The following CPZ variants were observed in gnomAD, a reference collection of about 807,000 sequenced individuals.
CPZ encodes the protein carboxypeptidase Z, also known as VEZT/CPZ fusion.
CPZ carries 103 observed loss-of-function variants against 61.8 expected under a neutral mutation model. The observed-to-expected ratio is 1.67, with a 90% CI of 1.42 to 1.96. The LOEUF is 1.96. CPZ is among the 30% of genes most tolerant of loss of function. CPZ has a pLI of 0.00. For missense variants in CPZ, 1,461 were observed against 914.9 expected (o/e 1.60, Z -7.70); for synonymous variants, 551 against 373.7 (o/e 1.47, Z -5.47).
chr4:8,607,148 A>T (rs909703446), intron 6 of CPZ, 119 bp from the exon 7 acceptor site: 8 of 1,262,984 alleles, frequency 6.3e-6, no homozygotes, highest in African/African-American at 3.0e-5. Context: ...TGGTGCGTTG[A>T]TGTAGAGACC....
chr4:8,604,267 T>A (rs1181731974), intron 4 of CPZ, 79 bp downstream of exon 4: 42 of 1,370,064 alleles, frequency 3.1e-5, no homozygotes, highest in Non-Finnish European at 4.0e-5. Context: ...GTGCACAAGT[T>A]GGTGGGGTGT....
intron 6 of CPZ, 56 bp from the exon 7 acceptor site, chr4:8,607,211 G>A: frequency 6.3e-7 from 1 of 1,575,936 alleles, no homozygotes. Flanking sequence ...CCAGGGCATG[G>A]CTGCGGGCCA....
chr4:8,602,212 G>A (rs1714633086), intron 3 of CPZ: 2 of 152,416 alleles, frequency 1.3e-5, no homozygotes, highest in Admixed American at 6.5e-5. Flanking sequence ...GGCTGGTTGG[G>A]GGCCCTGCAT....
intron 1 of CPZ, among the ~76,000 whole-genome samples, chr4:8,595,766 G>A (rs1367413493): frequency 6.6e-6 from 1 of 152,216 alleles, no homozygotes; most frequent in Non-Finnish European, 1.5e-5. Flanking sequence ...AGGTCTTTGT[G>A]GATGAAATCT....
chr4:8,611,063 CTCATTCACTCAT>C (rs1180358183), intron 7 of CPZ: 11 of 358,004 alleles, frequency 3.1e-5, no homozygotes, highest in African/African-American at 1.3e-4. Context: ...CGCTCACTCA[CTCATTCACTCAT>C]TCATTCGCTC....
chr4:8,596,526 C>T (rs1714195491), intron 1 of CPZ, among the ~76,000 whole-genome samples: 2 of 152,238 alleles, frequency 1.3e-5, no homozygotes, highest in South Asian at 4.1e-4. Context: ...ATTGTGGGGT[C>T]ACAGGGGATA....
intron 7 of CPZ, among the ~76,000 whole-genome samples, chr4:8,611,585 A>C (rs763375219): frequency 1.1e-4 from 16 of 152,142 alleles, no homozygotes; most frequent in Non-Finnish European, 1.8e-4. Context: ...AGCAGTGATT[A>C]TTCATAGAAG....
chr4:8,601,157 C>T lies in CPZ; in HGVS notation c.156C>T (p.Ser52=), dbSNP rs4301095. The change falls in exon 3 of 11, where the codon AGC becomes AGT. Residue 52 remains serine (S), a synonymous_variant. Coordinates refer to ENST00000360986, the MANE Select transcript of CPZ (RefSeq NM_001014447.3). Reference sequence around the variant, plus strand: ...TGGACCTGCAGCTCAGGACCTGCAGCGATGCCGCCTACAACCACACCACCT... The same window carrying T: ...TGGACCTGCAGCTCAGGACCTGCAGTGATGCCGCCTACAACCACACCACCT... The part of the protein sequence containing the change: ...TCVDLQLRTC[S]DAAYNHTTFP... 4,545 of 1,594,244 alleles carry T rather than the reference C, an allele frequency of 2.9e-3. 105 individuals are homozygous for T. The African/African-American group carries it at 0.051, about 18-fold the overall frequency.
intron 9 of CPZ, 122 bp from the exon 10 acceptor site, chr4:8,618,307 C>A: frequency 1.2e-6 from 1 of 816,184 alleles, no homozygotes; most frequent in Non-Finnish European, 2.0e-6. Flanking sequence ...CAGAGTGGGG[C>A]TCTGTGGGGT....
At position 8,618,367 on chromosome 4, in the gene CPZ, C is replaced by T. The variant is rs998051717; in HGVS notation, c.1504-62C>T. 5.7e-5 allele frequency: 87 copies of T among 1,516,332 alleles called. No homozygotes were observed. The Middle Eastern group carries it at 1.5e-3, about 27-fold the overall frequency. 93.9% of individuals were successfully genotyped at this position (1,516,332 alleles called of 1,614,324 possible). On this transcript the variant is annotated intron_variant, in intron 9 of 10. Transcript: ENST00000360986. Reference sequence around the variant, plus strand: ...GAGGAGCATGTGGGGAACGAGCTGACGGCCTCCACGCTCAGCAGGAGAGCT... The same window carrying T: ...GAGGAGCATGTGGGGAACGAGCTGATGGCCTCCACGCTCAGCAGGAGAGCT...
At chr4:8,613,546 C>G (rs934132986) in intron 8 of CPZ, among the ~76,000 whole-genome samples, 1 of 152,222 alleles carries the variant, frequency 6.6e-6, no homozygotes, top group East Asian at 1.9e-4. Context: ...GGACTGTCAA[C>G]AGCAGCTGCA....
chr4:8,612,135 G>A lies in CPZ; in HGVS notation c.1336G>A (p.Gly446Arg), dbSNP rs200669426. The part of the protein sequence containing the change: ...NFLKRGSIIN[G>R]ADWYSFTGGM... ...CCTGAAGAGGGGGAGCATCATCAAC[G>A]GGGCGGACTGGTACAGCTTCACGGG... is the stretch of plus-strand genomic sequence containing the variant. Residue 446 changes from glycine (G) to arginine (R), a missense_variant, in exon 8 of 11, where the codon GGG (glycine) becomes AGG (arginine). Physicochemically the swap from Gly to Arg is moderately radical, Grantham distance 125. Coordinates refer to ENST00000360986, the MANE Select transcript of CPZ (RefSeq NM_001014447.3). The A allele has an allele frequency of 9.3e-5, 149 of 1,601,426 alleles. No individual in the cohort carries two copies. The highest frequency in any genetic ancestry group is 1.5e-4 in the Admixed American group (9 of 58,942).
chr4:8,606,906 C>G lies in CPZ; in HGVS notation c.1068+8C>G. 6.3e-7 allele frequency: 1 copy of G among 1,594,766 alleles called. No individual in the cohort carries two copies. Among genetic ancestry groups the G allele is most frequent in the Non-Finnish European group, 8.5e-7 (1 of 1,170,718 alleles). The stretch of plus-strand genomic sequence containing the variant: ...CACTACTGGTGGGGTAAGGTAGGAG[C>G]CGCCGCTGCCCATGCTGGTCTCCAC... On this transcript the variant is annotated splice_region_variant and intron_variant, in intron 6 of 10. Coordinates refer to ENST00000360986, the MANE Select transcript of CPZ (RefSeq NM_001014447.3).
chr4:8,605,136 T>C (rs6838212), intron 4 of CPZ, among the ~76,000 whole-genome samples: 28,059 of 152,202 alleles, frequency 0.18, 3,642 homozygotes, highest in African/African-American at 0.37. Context: ...ATGTGGCATC[T>C]GAGGAACACG....
intron 8 of CPZ, among the ~76,000 whole-genome samples, chr4:8,614,050 C>A (rs1424204888): frequency 6.6e-6 from 1 of 152,270 alleles, no homozygotes; most frequent in Non-Finnish European, 1.5e-5. Flanking sequence ...GCTCAAGATG[C>A]AGCTCTGCCT....
chr4:8,615,188 G>A (rs953547784), intron 9 of CPZ, among the ~76,000 whole-genome samples: 3 of 152,106 alleles, frequency 2.0e-5, no homozygotes, highest in African/African-American at 7.2e-5. Flanking sequence ...AGGTCACCCA[G>A]AAGCAGGCAG....
rs370010914 is a variant in CPZ, at chr4:8,601,029, C to T, written c.122-94C>T. ...ACCGTGGGTGCCCCTCCCTGCAGGC[C>T]CTGGCCCTGCGTGGGGTCCCCTACG... On this transcript the variant is annotated intron_variant, in intron 2 of 10. Coordinates refer to ENST00000360986, the MANE Select transcript of CPZ (RefSeq NM_001014447.3). 32 of 1,459,904 alleles carry T rather than the reference C, an allele frequency of 2.2e-5. 1 individual carries two copies. In the South Asian group the frequency reaches 4.4e-4, roughly 20 times the overall value. 90.4% of individuals were successfully genotyped at this position (1,459,904 alleles called of 1,614,324 possible). A position where few individuals can be genotyped will look rare whatever the true frequency, so the allele number is the denominator to read the frequency against.
intron 7 of CPZ, among the ~76,000 whole-genome samples, chr4:8,609,458 A>ACACCAAG (rs1560298532): frequency 7.3e-6 from 1 of 137,386 alleles, no homozygotes; most frequent in African/African-American, 3.6e-5. Flanking sequence ...CAGGTAGTGC[A>ACACCAAG]CACCAAGGGT....
Position 8,607,387 on chromosome 4 carries a change from C to T in CPZ, c.1189C>T (p.Gln397Ter). 1.2e-6 allele frequency: 2 copies of T among 1,614,092 alleles called. No individual in the cohort carries two copies. Among genetic ancestry groups the T allele is most frequent in the East Asian group, 2.2e-5 (1 of 44,864 alleles). The change falls in exon 7 of 11, where the codon CAG becomes TAG. Residue 397 changes from glutamine to a stop codon, truncating the protein, a stop_gained. Transcript: ENST00000360986. LOFTEE classifies it high-confidence loss of function. ...SYPFDFSKHP[Q>*]EEKMFSPTPD... ...CCCCTTCGACTTCTCCAAGCACCCCCAGGAGGAGAAGATGTTTTCTCCCAC... is the reference window on the plus strand; with the variant it reads ...CCCCTTCGACTTCTCCAAGCACCCCTAGGAGGAGAAGATGTTTTCTCCCAC...
Sources: gnomAD v4.1 joint callset for allele counts (sites outside exome capture counted in the v4.1 genomes callset) on GRCh38, gnomAD v4.1.1 for gene constraint, MANE v1.5 for transcripts, NCBI Gene and HGNC (gene_info 2026-07-23, HGNC 2026-07-21) for gene names.